Variants in PPARG observed in about 807,000 individuals in gnomAD.
PPARG encodes peroxisome proliferator activated receptor gamma, also known as peroxisome proliferator-activated receptor gamma.
A neutral mutation model predicts 39.2 loss-of-function variants in PPARG; 17 were observed. The observed-to-expected ratio is 0.43, with a 90% confidence interval of 0.30 to 0.65. The LOEUF (loss-of-function observed/expected upper bound fraction) is 0.65, where lower values mean the gene tolerates loss of function less well. Among genes scored for constraint, PPARG ranks in the 30% least tolerant of loss-of-function variants. The pLI is 0.13. For missense variants in PPARG, 406 were observed against 585.9 expected (o/e 0.69, Z 3.17); for synonymous variants, 223 against 215.7 (o/e 1.03, Z -0.30).
Position 12,308,367 on chromosome 3 carries a change from AAAAG to A in PPARG, c.-82-4012_-82-4009del, listed in dbSNP as rs1455826290. Reference sequence around the variant, plus strand: ...TCAAAAAAAAAAAAAAAAAAAAAAAAAAAGGGAGAAACTGATTTCAAGGAGCCAA... The same window carrying A: ...TCAAAAAAAAAAAAAAAAAAAAAAAAGGAGAAACTGATTTCAAGGAGCCAA... On this transcript the variant is annotated intron_variant, in intron 1 of 7. Coordinates refer to ENST00000651735, the MANE Select transcript of PPARG (RefSeq NM_138711.6). Among the ~76,000 whole-genome samples, 398 of 149,082 alleles carry A rather than the reference AAAAG, an allele frequency of 2.7e-3. 7 individuals are homozygous for A. Among genetic ancestry groups the A allele is most frequent in the African/African-American group, 6.1e-3 (247 of 40,408 alleles).
intron 6 of PPARG, among the ~76,000 whole-genome samples, chr3:12,414,046 A>T (rs1054330160): frequency 6.6e-6 from 1 of 152,156 alleles, no homozygotes; most frequent in East Asian, 1.9e-4. Flanking sequence ...ATGAGGGGAC[A>T]GGGGAAGTAA....
chr3:12,414,665 C>T (rs578124682), intron 6 of PPARG, among the ~76,000 whole-genome samples: 1 of 152,078 alleles, frequency 6.6e-6, no homozygotes, highest in Non-Finnish European at 1.5e-5. Flanking sequence ...CTCTGCCCCC[C>T]TTGTATTCCT....
At chr3:12,370,080 G>T (rs1323324585) in intron 2 of PPARG, among the ~76,000 whole-genome samples, 2 of 152,168 alleles carry the variant, frequency 1.3e-5, no homozygotes, top group Non-Finnish European at 2.9e-5. Context: ...CTCTGGGAAA[G>T]AGTACGTGGG....
At chr3:12,384,735 T>A (rs1408841183) in intron 4 of PPARG, among the ~76,000 whole-genome samples, 1 of 152,196 alleles carries the variant, frequency 6.6e-6, no homozygotes, top group East Asian at 1.9e-4. Context: ...TTTTTCACTT[T>A]CATTCTCTCA....
In PPARG at chr3:12,381,399, C is replaced by G. The variant is rs1452375580; in HGVS notation, c.298C>G (p.Pro100Ala). The change falls in exon 4 of 8, where the codon CCT (proline) becomes GCT (alanine). Residue 100 changes from proline (P) to alanine (A), a missense_variant. Pro to Ala is a conservative substitution (Grantham distance 27, BLOSUM62 -1). This residue lies in a region of PPARG where 131 missense variants were observed against 127.9 expected (regional missense o/e 1.02). Transcript: ENST00000651735. The stretch of plus-strand genomic sequence containing the variant: ...GCTCTACAATAAGCCTCATGAAGAG[C>G]CTTCCAACTCCCTCATGGCAATTGA... ...TQLYNKPHEE[P>A]SNSLMAIECR... 1.9e-6 allele frequency: 3 copies of G among 1,613,094 alleles called. No individual in the cohort carries two copies. The highest frequency in any genetic ancestry group is 2.5e-6 in the Non-Finnish European group (3 of 1,179,560).
chr3:12,300,550 G>A (rs946003851), intron 1 of PPARG, among the ~76,000 whole-genome samples: 2 of 149,746 alleles, frequency 1.3e-5, no homozygotes, highest in Admixed American at 6.7e-5. Flanking sequence ...TATAACTTGT[G>A]TATGAAATAT....
intron 2 of PPARG, among the ~76,000 whole-genome samples, chr3:12,330,843 A>T (rs1490805604): frequency 1.3e-5 from 2 of 152,214 alleles, no homozygotes; most frequent in Non-Finnish European, 2.9e-5. Context: ...TGAAGAGACC[A>T]TCTCTTTTCC....
Position 12,379,694 on chromosome 3 carries a change from T to G in PPARG, c.-8-10T>G, listed in dbSNP as rs2125170328. The G allele has an allele frequency of 1.9e-6, 3 of 1,611,042 alleles. No individual in the cohort carries two copies. Among genetic ancestry groups the G allele is most frequent in the South Asian group, 1.1e-5 (1 of 91,028 alleles). On this transcript the variant is annotated splice_polypyrimidine_tract_variant and intron_variant, in intron 2 of 7. Coordinates refer to ENST00000651735, the MANE Select transcript of PPARG (RefSeq NM_138711.6). ...ACTTAACTTCACAGCTAGTCTATTT[T>G]TCCTTTCAGAAATGACCATGGTTGA...
intron 2 of PPARG, among the ~76,000 whole-genome samples, chr3:12,358,945 G>C (rs952400001): frequency 6.6e-6 from 1 of 151,920 alleles, no homozygotes; most frequent in Non-Finnish European, 1.5e-5. Flanking sequence ...CTTTTTCTTG[G>C]GATTTCAATA....
chr3:12,381,639 G>A, intron 4 of PPARG, 148 bp downstream of exon 4: 1 of 785,834 alleles, frequency 1.3e-6, no homozygotes, highest in South Asian at 1.6e-5. Context: ...GTGCAGTGGT[G>A]CTATCCTAGC....
chr3:12,316,015 T>C lies in PPARG; in HGVS notation c.-9+3562T>C, dbSNP rs116679556. Among the ~76,000 whole-genome samples, 461 of 152,318 alleles carry C rather than the reference T, an allele frequency of 3.0e-3. 3 individuals are homozygous for C. The highest frequency in any genetic ancestry group is 0.011 in the African/African-American group (438 of 41,562). ...GAGGAGAGAAGCAGACCGTATTGTT[T>C]CTAGGCAAAATGTCTGGGAATTCAG... is the stretch of plus-strand genomic sequence containing the variant. On this transcript the variant is annotated intron_variant, in intron 2 of 7. Transcript: ENST00000651735.
In PPARG at chr3:12,415,779, T is replaced by C. The variant is rs185191673; in HGVS notation, c.730-925T>C. 2.4e-4 allele frequency among the ~76,000 whole-genome samples: 36 copies of C among 152,330 alleles called. No individual in the cohort carries two copies. In the East Asian group the frequency reaches 6.4e-3, roughly 27 times the overall value. On this transcript the variant is annotated intron_variant, in intron 6 of 7. Transcript: ENST00000651735. ...TTAAAAAAAGAAATAGACATTTTCTTGGTTCAAGAGCTGTAATCTGCTTTC... is the reference window on the plus strand; with the variant it reads ...TTAAAAAAAGAAATAGACATTTTCTCGGTTCAAGAGCTGTAATCTGCTTTC...
chr3:12,289,655 C>G (rs2046599657), intron 1 of PPARG, among the ~76,000 whole-genome samples: 1 of 152,140 alleles, frequency 6.6e-6, no homozygotes, highest in Non-Finnish European at 1.5e-5. Flanking sequence ...GCTAAGTGAT[C>G]GATTGCTGAC....
intron 4 of PPARG, among the ~76,000 whole-genome samples, chr3:12,382,965 C>A (rs1265662787): frequency 6.6e-6 from 1 of 152,004 alleles, no homozygotes; most frequent in African/African-American, 2.4e-5. Flanking sequence ...AAGCAAGACC[C>A]TAACTCCAAA....
Position 12,379,773 on chromosome 3 carries a change from C to T in PPARG, c.62C>T (p.Ser21Phe), listed in dbSNP as rs372494308. Residue 21 changes from serine to phenylalanine, a missense_variant, in exon 3 of 8, where the codon TCC becomes TTC. Ser to Phe is a radical substitution (Grantham distance 155). Transcript: ENST00000651735. ...TTTGGGATCAGCTCCGTGGATCTCT[C>T]CGTAATGGAAGACCACTCCCACTCC... is the stretch of plus-strand genomic sequence containing the variant. Reference protein sequence around the residue: ...TNFGISSVDLSVMEDHSHSFD... With the variant: ...TNFGISSVDLFVMEDHSHSFD... The T allele has an allele frequency of 1.2e-5, 20 of 1,613,924 alleles. No individual in the cohort carries two copies. The highest frequency in any genetic ancestry group is 3.3e-4 in the Middle Eastern group (2 of 6,082).
chr3:12,424,457 G>A (rs4135292), intron 7 of PPARG, among the ~76,000 whole-genome samples: 1,858 of 152,268 alleles, frequency 0.012, 15 homozygotes, highest in Non-Finnish European at 0.019. Context: ...CCCCACACCA[G>A]CAGTCCTGGA....
At chr3:12,381,600 G>T in intron 4 of PPARG, 109 bp downstream of exon 4, 1 of 1,169,952 alleles carries the variant, frequency 8.5e-7, no homozygotes, top group East Asian at 2.6e-5. Flanking sequence ...CTTCATGGAA[G>T]AGTATCTTGC....
chr3:12,356,702 ACTTTTTCCCTGG>A (rs1281123876), intron 2 of PPARG, among the ~76,000 whole-genome samples: 1 of 152,132 alleles, frequency 6.6e-6, no homozygotes, highest in Non-Finnish European at 1.5e-5. Flanking sequence ...AAATCTAGAC[ACTTTTTCCCTGG>A]CTTTCAAAGC....
chr3:12,370,789 A>G (rs553094733), intron 2 of PPARG, among the ~76,000 whole-genome samples: 1 of 152,332 alleles, frequency 6.6e-6, no homozygotes, highest in African/African-American at 2.4e-5. Flanking sequence ...TTATTTTTAA[A>G]GGAACATTAT....
Sources: gnomAD v4.1 joint callset for allele counts (sites outside exome capture counted in the v4.1 genomes callset) on GRCh38, gnomAD v4.1.1 for gene constraint, gnomAD v4.1.1 regional missense constraint, MANE v1.5 for transcripts, NCBI Gene and HGNC (gene_info 2026-07-23, HGNC 2026-07-21) for gene names.